The following HIPK2 variants were observed in gnomAD, a reference collection of about 807,000 sequenced individuals.
HIPK2 encodes the protein homeodomain interacting protein kinase 2.
HIPK2 carries 27 observed loss-of-function variants against 113.7 expected under a neutral mutation model. That is an observed-to-expected ratio of 0.24 (90% CI 0.17 to 0.33). The LOEUF is 0.33. Ranked by LOEUF, HIPK2 falls within the 10% of genes least tolerant of loss-of-function variation. The probability of loss-of-function intolerance (pLI) is 1.00; values close to 1 mark genes in which losing one functional copy is unlikely to be tolerated. For synonymous variants in HIPK2, 631 were observed against 642.2 expected (o/e 0.98, Z 0.26); for missense variants, 1,257 against 1,588.0 (o/e 0.79, Z 3.54).
At chr7:139,643,209 T>C (rs143918532) in intron 2 of HIPK2, among the ~76,000 whole-genome samples, 1 of 152,288 alleles carries the variant, frequency 6.6e-6, no homozygotes, top group East Asian at 1.9e-4. Context: ...TTGATATAAT[T>C]GCAGTTGGGT....
At chr7:139,733,266 T>C (rs1182333458) in intron 1 of HIPK2, among the ~76,000 whole-genome samples, 1 of 152,182 alleles carries the variant, frequency 6.6e-6, no homozygotes, top group East Asian at 1.9e-4. Context: ...TTTATAGCAA[T>C]GCAAGAATGG....
intron 2 of HIPK2, among the ~76,000 whole-genome samples, chr7:139,637,249 C>G (rs1300645005): frequency 6.6e-6 from 1 of 152,170 alleles, no homozygotes; most frequent in Non-Finnish European, 1.5e-5. Flanking sequence ...CAGATGGCAC[C>G]CCACCCCCTT....
At chr7:139,770,381 A>G (rs1403061550) in intron 1 of HIPK2, among the ~76,000 whole-genome samples, 1 of 152,194 alleles carries the variant, frequency 6.6e-6, no homozygotes, top group Non-Finnish European at 1.5e-5. Context: ...TTGCTTCCTT[A>G]ATGCTATGAA....
chr7:139,631,901 C>T lies in HIPK2; in HGVS notation c.1104-176G>A, dbSNP rs1800630597. 1 of 369,638 alleles carries T rather than the reference C, an allele frequency of 2.7e-6. No homozygotes were observed. The highest frequency in any genetic ancestry group is 1.1e-4 in the South Asian group (1 of 9,074). 22.9% of individuals were successfully genotyped at this position (369,638 alleles called of 1,614,324 possible). A position where few individuals can be genotyped will look rare whatever the true frequency, so the allele number is the denominator to read the frequency against. On this transcript the variant is annotated intron_variant, in intron 2 of 14. Coordinates refer to ENST00000406875, the MANE Select transcript of HIPK2 (RefSeq NM_022740.5). The surrounding 1 kb of genome is among the most constrained non-coding windows in gnomAD (Gnocchi z 4.9). ...TCCTTCCATTCTTTGGCTTGGTCCCCTCCATTAGTGGAGGGCCCACTTGGA... is the reference window on the plus strand; with the variant it reads ...TCCTTCCATTCTTTGGCTTGGTCCCTTCCATTAGTGGAGGGCCCACTTGGA...
In HIPK2 at chr7:139,668,286, G is replaced by A. The variant is rs916799096; in HGVS notation, c.1104-36561C>T. 5.3e-5 allele frequency among the ~76,000 whole-genome samples: 8 copies of A among 152,174 alleles called. No individual in the cohort carries two copies. The East Asian group carries it at 5.8e-4, about 11-fold the overall frequency. On this transcript the variant is annotated intron_variant, in intron 2 of 14. Coordinates refer to ENST00000406875, the MANE Select transcript of HIPK2 (RefSeq NM_022740.5). ...TAAAAAGGTATGATTTACTGGCCGA[G>A]TGCAGTGGCTCACACCTGTAATCCC...
At chr7:139,772,544 G>A (rs1050034105) in intron 1 of HIPK2, among the ~76,000 whole-genome samples, 13 of 148,936 alleles carry the variant, frequency 8.7e-5, no homozygotes, top group Non-Finnish European at 1.8e-4. Context: ...TTGAGTCTAC[G>A]TAAAGAAAAC....
Position 139,777,653 on chromosome 7 carries a change from A to G in HIPK2, c.-30T>C. 1 of 1,082,014 alleles carries G rather than the reference A, an allele frequency of 9.2e-7. No individual in the cohort carries two copies. The allele number at this position is 1,082,014 out of a possible 1,614,324, so 67.0% of individuals were successfully genotyped here. ...GCCGGGGTGTCCGCGGTTCATGGCA[A>G]CGGGGACGGGAAAGCGGCGCGCGAG... On this transcript the variant is annotated 5_prime_UTR_variant, in exon 1 of 15. Coordinates refer to ENST00000406875, the MANE Select transcript of HIPK2 (RefSeq NM_022740.5).
At chr7:139,700,255 G>A (rs1333841961) in intron 2 of HIPK2, among the ~76,000 whole-genome samples, 1 of 152,110 alleles carries the variant, frequency 6.6e-6, no homozygotes, top group African/African-American at 2.4e-5. Context: ...CCCTCAACAC[G>A]CCTGCTTTCT....
chr7:139,730,364 CT>C (rs762755336), intron 1 of HIPK2, among the ~76,000 whole-genome samples: 378 of 144,204 alleles, frequency 2.6e-3, no homozygotes, highest in Middle Eastern at 3.6e-3. Flanking sequence ...TTTTTTCTCT[CT>C]TTTTTTTTTT....
At chr7:139,734,683 G>T (rs963829834) in intron 1 of HIPK2, among the ~76,000 whole-genome samples, 4 of 152,164 alleles carry the variant, frequency 2.6e-5, no homozygotes, top group African/African-American at 9.7e-5. Flanking sequence ...CTTTATCACT[G>T]AAGTCAGCAA....
At chr7:139,672,472 C>CT (rs555972205) in intron 2 of HIPK2, among the ~76,000 whole-genome samples, 11 of 150,104 alleles carry the variant, frequency 7.3e-5, no homozygotes, top group South Asian at 4.2e-4. Flanking sequence ...TTACAAGTAA[C>CT]TTTTTTTTTT....
chr7:139,699,629 T>C (rs2116839103), intron 2 of HIPK2, among the ~76,000 whole-genome samples: 1 of 152,258 alleles, frequency 6.6e-6, no homozygotes, highest in African/African-American at 2.4e-5. Flanking sequence ...CTGGCATAGG[T>C]CCCTCTGCAC....
intron 2 of HIPK2, among the ~76,000 whole-genome samples, chr7:139,670,952 G>C (rs370769712): frequency 6.6e-6 from 1 of 151,698 alleles, no homozygotes; most frequent in Non-Finnish European, 1.5e-5. Context: ...GTAGAGACAG[G>C]GTTTTGCCAC....
intron 1 of HIPK2, among the ~76,000 whole-genome samples, chr7:139,732,188 G>A (rs767370946): frequency 2.0e-5 from 3 of 152,190 alleles, no homozygotes; most frequent in Non-Finnish European, 2.9e-5. Context: ...TATTTAAATA[G>A]GTGCTTTTGT....
At chr7:139,636,381 C>G (rs1800814956) in intron 2 of HIPK2, among the ~76,000 whole-genome samples, 1 of 151,928 alleles carries the variant, frequency 6.6e-6, no homozygotes, top group Non-Finnish European at 1.5e-5. Flanking sequence ...TGAATTGTGT[C>G]CCCCTAAAAG....
At chr7:139,649,036 C>A (rs796920457) in intron 2 of HIPK2, among the ~76,000 whole-genome samples, 25 of 152,034 alleles carry the variant, frequency 1.6e-4, no homozygotes, top group African/African-American at 5.3e-4. Context: ...TTCCTCTGTT[C>A]TTCTAAGGGG....
chr7:139,670,263 A>G (rs1331898693), intron 2 of HIPK2, among the ~76,000 whole-genome samples: 1 of 152,050 alleles, frequency 6.6e-6, no homozygotes, highest in East Asian at 1.9e-4. Flanking sequence ...GAGATTCTGG[A>G]CATTGCCACC....
At chr7:139,596,640 A>C in intron 12 of HIPK2, 77 bp downstream of exon 12, 2 of 1,542,358 alleles carry the variant, frequency 1.3e-6, no homozygotes, top group Non-Finnish European at 1.8e-6. Context: ...ATGTTTGATG[A>C]TGGAAGATGG....
In HIPK2 at chr7:139,716,634, T is replaced by C. The variant is rs760718990; in HGVS notation, c.401A>G (p.Lys134Arg). The change falls in exon 2 of 15, where the codon AAG becomes AGG. Residue 134 changes from lysine (K) to arginine (R), a missense_variant. By Grantham distance (26) the Lys-to-Arg change is conservative (BLOSUM62 2). Coordinates refer to ENST00000406875, the MANE Select transcript of HIPK2 (RefSeq NM_022740.5). The surrounding 1 kb of genome is among the most constrained non-coding windows in gnomAD (Gnocchi z 9.3). ...DTYQKCGLKR[K>R]SEEIENTSSV... The stretch of plus-strand genomic sequence containing the variant: ...GCTTGTGTTCTCGATCTCCTCGCTC[T>C]TACGCTTGAGTCCACATTTTTGGTA... 28 of 1,614,002 alleles carry C rather than the reference T, an allele frequency of 1.7e-5. No homozygotes were observed. Among genetic ancestry groups the C allele is most frequent in the Non-Finnish European group, 2.4e-5 (28 of 1,179,900 alleles).
Sources: allele counts gnomAD v4.1 joint callset (sites outside exome capture counted in the v4.1 genomes callset), GRCh38; gene constraint gnomAD v4.1.1; non-coding constraint Gnocchi (gnomAD v3.1); transcripts MANE v1.5; gene names NCBI Gene and HGNC (gene_info 2026-07-23, HGNC 2026-07-21).